The following GBE1 variants were observed in gnomAD, a reference collection of about 807,000 sequenced individuals.
GBE1 encodes 1,4-alpha-glucan-branching enzyme.
In GBE1, 70 loss-of-function variants were observed where a neutral mutation model predicts 88.8. That is an observed-to-expected ratio of 0.79 (90% CI 0.65 to 0.96). The LOEUF is 0.96. Ranked by LOEUF, GBE1 falls within the 40% of genes least tolerant of loss-of-function variation. GBE1 has a pLI of 0.00. For synonymous variants in GBE1, 284 were observed against 300.1 expected, an observed-to-expected ratio of 0.95 and a Z score of 0.56; for missense variants, 872 against 871.0, an observed-to-expected ratio of 1.00 and a Z score of -0.01.
intron 7 of GBE1, among the ~76,000 whole-genome samples, chr3:81,611,646 T>C (rs932635907): frequency 6.6e-5 from 10 of 152,288 alleles, no homozygotes; most frequent in African/African-American, 2.4e-4. Flanking sequence ...GAAAGGTGAA[T>C]TAGGGATGCT....
At chr3:81,571,333 C>G (rs1227364874) in intron 12 of GBE1, among the ~76,000 whole-genome samples, 4 of 152,082 alleles carry the variant, frequency 2.6e-5, no homozygotes, top group African/African-American at 9.7e-5. Context: ...TAGTTGATTC[C>G]AGATTTCTTC....
intron 3 of GBE1, among the ~76,000 whole-genome samples, chr3:81,655,532 TTG>T (rs1262752395): frequency 6.6e-6 from 1 of 152,130 alleles, no homozygotes; most frequent in African/African-American, 2.4e-5. Context: ...GTTGTTGTTG[TTG>T]TTATGGAGTT....
At chr3:81,592,132 C>T (rs1393918521) in intron 8 of GBE1, among the ~76,000 whole-genome samples, 1 of 152,074 alleles carries the variant, frequency 6.6e-6, no homozygotes, top group Non-Finnish European at 1.5e-5. Context: ...ATAGTTACCA[C>T]ATGTGTATGT....
chr3:81,661,139 C>G (rs1705024045), intron 3 of GBE1, among the ~76,000 whole-genome samples: 1 of 151,028 alleles, frequency 6.6e-6, no homozygotes, highest in African/African-American at 2.4e-5. Context: ...AAAAGTATTT[C>G]TAAAAAAAAT....
At position 81,657,456 on chromosome 3, in the gene GBE1, T is replaced by A. The variant is rs192392374; in HGVS notation, c.430-7535A>T. Among the ~76,000 whole-genome samples, 115 of 152,238 alleles carry A rather than the reference T, an allele frequency of 7.6e-4. 1 individual carries two copies. Among genetic ancestry groups the A allele is most frequent in the Non-Finnish European group, 4.4e-4 (30 of 67,990 alleles). On this transcript the variant is annotated intron_variant, in intron 3 of 15. Transcript: ENST00000429644. ...GGAAGATGAAAATCAGAAACACTCTTCATCGTAACTGCTAGTTCATTGTGA... is the reference window on the plus strand; with the variant it reads ...GGAAGATGAAAATCAGAAACACTCTACATCGTAACTGCTAGTTCATTGTGA...
At chr3:81,610,651 T>G (rs940400119) in intron 7 of GBE1, among the ~76,000 whole-genome samples, 4 of 152,108 alleles carry the variant, frequency 2.6e-5, no homozygotes, top group Admixed American at 2.0e-4. Flanking sequence ...AAAAATACCA[T>G]AGCTCTCTGA....
intron 3 of GBE1, among the ~76,000 whole-genome samples, chr3:81,666,865 T>C (rs1705120207): frequency 6.6e-6 from 1 of 152,176 alleles, no homozygotes; most frequent in South Asian, 2.1e-4. Flanking sequence ...GTTAAATCTA[T>C]GAAAAATATC....
chr3:81,562,950 A>C (rs1703439287), intron 12 of GBE1, among the ~76,000 whole-genome samples: 1 of 151,912 alleles, frequency 6.6e-6, no homozygotes. Context: ...AGAGGCAGAG[A>C]AATTCATCTT....
chr3:81,565,909 A>G (rs1289965866), intron 12 of GBE1, among the ~76,000 whole-genome samples: 1 of 152,226 alleles, frequency 6.6e-6, no homozygotes, highest in Non-Finnish European at 1.5e-5. Flanking sequence ...TTTGTATACA[A>G]ATCTATTTAT....
chr3:81,649,669 A>G, intron 4 of GBE1, 127 bp downstream of exon 4: 1 of 670,850 alleles, frequency 1.5e-6, no homozygotes, highest in Admixed American at 3.1e-5. Context: ...AAGGAATACT[A>G]TGATGTAAAA....
At chr3:81,567,011 T>C (rs2106917854) in intron 12 of GBE1, among the ~76,000 whole-genome samples, 1 of 152,304 alleles carries the variant, frequency 6.6e-6, no homozygotes, top group Non-Finnish European at 1.5e-5. Context: ...ATCTTATTTA[T>C]CTGCTGCCTT....
At chr3:81,755,640 A>G (rs1481967345) in intron 1 of GBE1, among the ~76,000 whole-genome samples, 1 of 152,220 alleles carries the variant, frequency 6.6e-6, no homozygotes. Flanking sequence ...TTATTCAACC[A>G]TAAAAATTAA....
Position 81,538,084 on chromosome 3 carries a change from C to A in GBE1, c.1619-989G>T, listed in dbSNP as rs150241397. Among the ~76,000 whole-genome samples, 892 of 151,946 alleles carry A rather than the reference C, an allele frequency of 5.9e-3. 6 individuals are homozygous for A. The highest frequency in any genetic ancestry group is 0.017 in the African/African-American group (705 of 41,482). Reference sequence around the variant, plus strand: ...TTCCAAACTTTTCTTTCATGTGCTACAATTAATTATTGCTGTGATTTTCTA... The same window carrying A: ...TTCCAAACTTTTCTTTCATGTGCTAAAATTAATTATTGCTGTGATTTTCTA... On this transcript the variant is annotated intron_variant, in intron 12 of 15. Coordinates refer to ENST00000429644, the MANE Select transcript of GBE1 (RefSeq NM_000158.4).
chr3:81,695,705 A>C (rs568602940), intron 2 of GBE1, among the ~76,000 whole-genome samples: 129 of 152,328 alleles, frequency 8.5e-4, no homozygotes, highest in Admixed American at 5.9e-4. Context: ...AAATAAATAC[A>C]AAAAGCGAGA....
intron 2 of GBE1, among the ~76,000 whole-genome samples, chr3:81,681,195 A>G (rs1461651851): frequency 2.0e-5 from 3 of 152,220 alleles, no homozygotes; most frequent in African/African-American, 7.2e-5. Flanking sequence ...ATGGTCTATA[A>G]CCAGAAGTAG....
chr3:81,608,033 G>A (rs1208264184), intron 7 of GBE1, among the ~76,000 whole-genome samples: 1 of 152,120 alleles, frequency 6.6e-6, no homozygotes, highest in East Asian at 1.9e-4. Flanking sequence ...AACCCCACAA[G>A]TCCTTAGGAC....
chr3:81,621,625 C>T (rs1704334828), intron 7 of GBE1, among the ~76,000 whole-genome samples: 1 of 152,160 alleles, frequency 6.6e-6, no homozygotes. Flanking sequence ...CTTCGGCTGT[C>T]CTGTCCACAC....
intron 7 of GBE1, among the ~76,000 whole-genome samples, chr3:81,616,102 A>T (rs1217166996): frequency 6.6e-6 from 1 of 152,088 alleles, no homozygotes; most frequent in African/African-American, 2.4e-5. Flanking sequence ...TAGCGTTTTG[A>T]CACATTTATG....
intron 3 of GBE1, among the ~76,000 whole-genome samples, chr3:81,659,149 T>C (rs1307657240): frequency 6.6e-6 from 1 of 152,118 alleles, no homozygotes; most frequent in Non-Finnish European, 1.5e-5. Context: ...TATAATCTGG[T>C]ATAAAGCCAA....
Sources: allele counts gnomAD v4.1 joint callset (sites outside exome capture counted in the v4.1 genomes callset), GRCh38; gene constraint gnomAD v4.1.1; transcripts MANE v1.5; gene names NCBI Gene and HGNC (gene_info 2026-07-23, HGNC 2026-07-21).